Variants in ADARB1 observed in about 807,000 individuals in gnomAD.
ADARB1 encodes the protein adenosine deaminase RNA specific B1, also known as double-stranded RNA-specific editase 1.
A neutral mutation model predicts 52.4 loss-of-function variants in ADARB1; 10 were observed. The ratio of observed to expected loss-of-function variants is 0.19; its 90% CI spans 0.12 to 0.32. ADARB1 has a LOEUF of 0.32. Ranked by LOEUF, ADARB1 falls within the 10% of genes least tolerant of loss-of-function variation. The pLI, the probability that ADARB1 is intolerant of heterozygous loss-of-function variation, is 1.00. For missense variants in ADARB1, 643 were observed against 922.3 expected (o/e 0.70, Z 3.92); for synonymous variants, 349 against 371.1 (o/e 0.94, Z 0.68).
chr21:45,098,625 A>G (rs2086869930), intron 1 of ADARB1, among the ~76,000 whole-genome samples: 3 of 152,220 alleles, frequency 2.0e-5, no homozygotes, highest in Admixed American at 6.5e-5. Context: ...CAGTTTCCCT[A>G]TGTGCAAAAT....
At chr21:45,173,646 A>G (rs1368845089) in intron 3 of ADARB1, among the ~76,000 whole-genome samples, 3 of 151,246 alleles carry the variant, frequency 2.0e-5, no homozygotes, top group Non-Finnish European at 2.9e-5. Context: ...GTTTAGCAAC[A>G]AAGTCAAAAT....
At chr21:45,183,307 A>C in intron 6 of ADARB1, 55 bp from the exon 7 acceptor site, 1 of 1,502,802 alleles carries the variant, frequency 6.7e-7, no homozygotes, top group South Asian at 1.3e-5. Flanking sequence ...ATGATAGACT[A>C]AAATTTAACT....
rs192678977 is a variant in ADARB1 at position 45,220,455 on chromosome 21, A to C, written c.1748-381A>C. On this transcript the variant is annotated intron_variant, in intron 9 of 10. Coordinates refer to ENST00000348831, the MANE Select transcript of ADARB1 (RefSeq NM_001112.4). The surrounding 1 kb of genome is among the most constrained non-coding windows in gnomAD (Gnocchi z 6.3). ...TCATGGGACCCTGCATTAGTCTCAG[A>C]AGTGGCTCCCACCCATCCACTCTCA... Among the ~76,000 whole-genome samples the C allele has an allele frequency of 1.3e-5, 2 of 152,242 alleles. No homozygotes were observed. Among genetic ancestry groups the C allele is most frequent in the Non-Finnish European group, 2.9e-5 (2 of 68,002 alleles).
At chr21:45,109,013 G>A (rs1346780674) in intron 1 of ADARB1, among the ~76,000 whole-genome samples, 3 of 152,210 alleles carry the variant, frequency 2.0e-5, no homozygotes, top group Non-Finnish European at 2.9e-5. Context: ...ATCAGCAGAG[G>A]CAAAAGGACT....
At chr21:45,114,216 T>A (rs981043092) in intron 1 of ADARB1, among the ~76,000 whole-genome samples, 3 of 152,096 alleles carry the variant, frequency 2.0e-5, no homozygotes, top group Admixed American at 6.5e-5. Context: ...TTAGATGGAG[T>A]CATAGATAAG....
chr21:45,120,017 C>T (rs2088070132), intron 1 of ADARB1, among the ~76,000 whole-genome samples: 1 of 152,252 alleles, frequency 6.6e-6, no homozygotes, highest in Non-Finnish European at 1.5e-5. Flanking sequence ...ACAGGAGCCT[C>T]CCTTCTTGAT....
Position 45,218,982 on chromosome 21 carries a change from A to T in ADARB1, c.1748-1854A>T, listed in dbSNP as rs142736717. Among the ~76,000 whole-genome samples the T allele has an allele frequency of 3.9e-3, 598 of 152,352 alleles. 6 individuals are homozygous for T. Among genetic ancestry groups the T allele is most frequent in the African/African-American group, 0.014 (569 of 41,580 alleles). On this transcript the variant is annotated intron_variant, in intron 9 of 10. Transcript: ENST00000348831. ...AAGCTCAATATATAAATGCAGATAC[A>T]TGTATTCAATTCCGAGTTATGCAAG... is the stretch of plus-strand genomic sequence containing the variant.
At chr21:45,171,578 A>G (rs2091484383) in intron 2 of ADARB1, 32 bp from the exon 3 acceptor site, 2 of 1,362,236 alleles carry the variant, frequency 1.5e-6, no homozygotes, top group South Asian at 1.2e-5. Flanking sequence ...TGTCATAGGC[A>G]CACTAAATGC....
intron 2 of ADARB1, among the ~76,000 whole-genome samples, chr21:45,168,064 T>C (rs756674532): frequency 1.1e-4 from 17 of 152,182 alleles, no homozygotes; most frequent in Admixed American, 7.9e-4. Flanking sequence ...AGCGGAGTTA[T>C]CTCACGGTAG....
intron 2 of ADARB1, among the ~76,000 whole-genome samples, chr21:45,141,250 T>A (rs2089708306): frequency 6.6e-6 from 1 of 152,160 alleles, no homozygotes. Flanking sequence ...AATTTTATGA[T>A]TCTATTGTTT....
chr21:45,225,363 C>G lies in ADARB1; in HGVS notation c.*3166C>G. 1 of 1,243,148 alleles carries G rather than the reference C, an allele frequency of 8.0e-7. No individual in the cohort carries two copies. Among genetic ancestry groups the G allele is most frequent in the African/African-American group, 1.5e-5 (1 of 64,946 alleles). The allele number at this position is 1,243,148 out of a possible 1,614,324, so 77.0% of individuals were successfully genotyped here. A position where few individuals can be genotyped will look rare whatever the true frequency, so the allele number is the denominator to read the frequency against. On this transcript the variant is annotated 3_prime_UTR_variant, in exon 11 of 11. Coordinates refer to ENST00000348831, the MANE Select transcript of ADARB1 (RefSeq NM_001112.4). The stretch of plus-strand genomic sequence containing the variant: ...GAGTCTTAATTTAACTTTTCATCAT[C>G]TTTTCCTATTTTGGAGAATTTTTTG...
intron 1 of ADARB1, among the ~76,000 whole-genome samples, chr21:45,077,647 A>G (rs761817472): frequency 5.9e-5 from 9 of 151,978 alleles, no homozygotes; most frequent in Non-Finnish European, 1.3e-4. Flanking sequence ...AGCCTGGGCA[A>G]CAGAGCGAGA....
At chr21:45,187,656 G>C (rs2092152401) in intron 8 of ADARB1, among the ~76,000 whole-genome samples, 1 of 152,096 alleles carries the variant, frequency 6.6e-6, no homozygotes, top group Non-Finnish European at 1.5e-5. Flanking sequence ...TTTCATAAAT[G>C]TCCTTTATTA....
chr21:45,094,631 T>A (rs2086686018), intron 1 of ADARB1, among the ~76,000 whole-genome samples: 2 of 152,122 alleles, frequency 1.3e-5, no homozygotes, highest in Admixed American at 6.5e-5. Flanking sequence ...TGGGCCCTGC[T>A]GAGGCCCCAG....
At chr21:45,202,944 T>C (rs2092589299) in intron 8 of ADARB1, among the ~76,000 whole-genome samples, 2 of 149,654 alleles carry the variant, frequency 1.3e-5, no homozygotes, top group South Asian at 4.2e-4. Flanking sequence ...CGTGCCACAC[T>C]GTGCTGAGCG....
intron 2 of ADARB1, chr21:45,137,062 A>AT (rs891080939): frequency 1.3e-5 from 2 of 152,258 alleles, no homozygotes; most frequent in Non-Finnish European, 2.9e-5. Flanking sequence ...GTTCTTAGAA[A>AT]TTGGTAATTT....
intron 1 of ADARB1, among the ~76,000 whole-genome samples, chr21:45,106,852 A>G (rs1372811646): frequency 6.6e-6 from 1 of 152,230 alleles, no homozygotes; most frequent in East Asian, 1.9e-4. Flanking sequence ...GGCTTGTGGC[A>G]AGGCAGGAAG....
In ADARB1 at chr21:45,172,311, T is replaced by A. The variant is rs2091516678; in HGVS notation, c.28+627T>A. 6.6e-6 allele frequency among the ~76,000 whole-genome samples: 1 copy of A among 152,038 alleles called. No homozygotes were observed. The highest frequency in any genetic ancestry group is 1.5e-5 in the Non-Finnish European group (1 of 67,986). The stretch of plus-strand genomic sequence containing the variant: ...TCATCTTCAGTCCCAGAAAACAGGT[T>A]TAGATGCTTCCACGGAAGTTGGGAG... On this transcript the variant is annotated intron_variant, in intron 3 of 10. Coordinates refer to ENST00000348831, the MANE Select transcript of ADARB1 (RefSeq NM_001112.4). This position sits in a 1 kb window ranked among gnomAD's most constrained non-coding sequence, Gnocchi z 4.4.
chr21:45,108,031 C>T (rs569357870), intron 1 of ADARB1, among the ~76,000 whole-genome samples: 10 of 152,096 alleles, frequency 6.6e-5, no homozygotes, highest in South Asian at 2.1e-4. Context: ...ACTCCAGCCT[C>T]GGTGACAGAG....
Sources: gnomAD v4.1 joint callset for allele counts (sites outside exome capture counted in the v4.1 genomes callset) on GRCh38, gnomAD v4.1.1 for gene constraint, Gnocchi (gnomAD v3.1) non-coding constraint, MANE v1.5 for transcripts, NCBI Gene and HGNC (gene_info 2026-07-23, HGNC 2026-07-21) for gene names.